The following RALGAPA2 variants were observed in gnomAD, a reference collection of about 807,000 sequenced individuals.
The protein encoded by RALGAPA2 is ral GTPase-activating protein subunit alpha-2.
A neutral mutation model predicts 230.4 loss-of-function variants in RALGAPA2; 139 were observed. The ratio of observed to expected loss-of-function variants is 0.60; its 90% CI spans 0.53 to 0.69. The LOEUF (loss-of-function observed/expected upper bound fraction) is 0.69. Among genes scored for constraint, RALGAPA2 ranks in the 30% least tolerant of loss-of-function variants. The probability of loss-of-function intolerance (pLI) is 0.00; values close to 1 mark genes in which losing one functional copy is unlikely to be tolerated. For synonymous variants in RALGAPA2, 847 were observed against 837.8 expected (o/e 1.01, Z -0.19); for missense variants, 2,163 against 2,276.0 (o/e 0.95, Z 1.01).
chr20:20,684,546 A>G (rs903580621), intron 1 of RALGAPA2, among the ~76,000 whole-genome samples: 3 of 152,154 alleles, frequency 2.0e-5, no homozygotes, highest in Non-Finnish European at 4.4e-5. Flanking sequence ...GGTGGTGTTG[A>G]GCTTAAGTAC....
chr20:20,454,250 A>G (rs1206747394), intron 37 of RALGAPA2, among the ~76,000 whole-genome samples: 1 of 152,232 alleles, frequency 6.6e-6, no homozygotes, highest in Admixed American at 6.5e-5. Flanking sequence ...AGCTCGAAAC[A>G]AAGATTACAT....
chr20:20,629,012 G>C (rs368398769), intron 10 of RALGAPA2, among the ~76,000 whole-genome samples: 12 of 152,246 alleles, frequency 7.9e-5, no homozygotes, highest in African/African-American at 2.6e-4. Context: ...ACTCTTCTTT[G>C]CTATGTTCAT....
intron 20 of RALGAPA2, among the ~76,000 whole-genome samples, chr20:20,575,740 C>G (rs1568599943): frequency 6.6e-6 from 1 of 152,146 alleles, no homozygotes. Context: ...TTCTTGGCTT[C>G]CCCTATTACT....
intron 37 of RALGAPA2, among the ~76,000 whole-genome samples, chr20:20,468,260 G>T (rs2061463349): frequency 6.6e-6 from 1 of 152,190 alleles, no homozygotes. Context: ...ATATCAAGTA[G>T]TAGAAATCCC....
intron 26 of RALGAPA2, 138 bp downstream of exon 26, chr20:20,535,607 G>T: frequency 7.9e-7 from 1 of 1,258,536 alleles, no homozygotes; most frequent in Non-Finnish European, 1.0e-6. Flanking sequence ...CATCTTCCTG[G>T]CATCATTCTT....
At position 20,712,187 on chromosome 20, in the gene RALGAPA2, G is replaced by A. The variant is rs905720074; in HGVS notation, c.106+188C>T. On this transcript the variant is annotated intron_variant, in intron 1 of 39. Coordinates refer to ENST00000202677, the MANE Select transcript of RALGAPA2 (RefSeq NM_020343.4). This position sits in a 1 kb window ranked among gnomAD's most constrained non-coding sequence, Gnocchi z 5.5. ...CTCGAGGGCGACGGGAGCAGTGCCC[G>A]AGGGCCAGGCTGCGGCTTTCTGGAA... 2.6e-5 allele frequency among the ~76,000 whole-genome samples: 4 copies of A among 152,102 alleles called. No homozygotes were observed. The highest frequency in any genetic ancestry group is 5.9e-5 in the Non-Finnish European group (4 of 68,020).
intron 1 of RALGAPA2, among the ~76,000 whole-genome samples, chr20:20,691,103 C>T (rs6082104): frequency 0.065 from 9,864 of 152,174 alleles, 428 homozygotes; most frequent in East Asian, 0.16. Context: ...ATCTTCCCAC[C>T]TGCAAGCCTC....
rs1555833889 is a variant in RALGAPA2 at position 20,712,600 on chromosome 20, T to TGCTGCTGCCGCC, written c.-121_-120insGGCGGCAGCAGC. 2.6e-6 allele frequency: 3 copies of TGCTGCTGCCGCC among 1,161,700 alleles called. No individual in the cohort carries two copies. The African/African-American group carries it at 5.0e-5, about 19-fold the overall frequency. 72.0% of individuals were successfully genotyped at this position (1,161,700 alleles called of 1,614,324 possible). ...GGCCACTCGCCGCCCCCAGCCCCGCTGCTGCCGCCGCCGCCGCCGCCGCCG... is the reference window on the plus strand; with the variant it reads ...GGCCACTCGCCGCCCCCAGCCCCGCTGCTGCTGCCGCCGCTGCCGCCGCCGCCGCCGCCGCCG... On this transcript the variant is annotated 5_prime_UTR_variant, in exon 1 of 40. Coordinates refer to ENST00000202677, the MANE Select transcript of RALGAPA2 (RefSeq NM_020343.4). This position sits in a 1 kb window ranked among gnomAD's most constrained non-coding sequence, Gnocchi z 5.5.
intron 37 of RALGAPA2, among the ~76,000 whole-genome samples, chr20:20,432,746 A>G (rs2060526628): frequency 6.6e-6 from 1 of 152,226 alleles, no homozygotes; most frequent in South Asian, 2.1e-4. Flanking sequence ...AAAAAAATGA[A>G]TTCTAATCTC....
At chr20:20,665,452 G>A (rs1362739916) in intron 3 of RALGAPA2, among the ~76,000 whole-genome samples, 1 of 152,194 alleles carries the variant, frequency 6.6e-6, no homozygotes, top group African/African-American at 2.4e-5. Flanking sequence ...TATCTCCAGT[G>A]TCCCTTCCTC....
chr20:20,528,819 C>T (rs2063293856), intron 27 of RALGAPA2, among the ~76,000 whole-genome samples: 1 of 152,150 alleles, frequency 6.6e-6, no homozygotes, highest in South Asian at 2.1e-4. Flanking sequence ...AAGCAGGAAG[C>T]CCTGCCAGAG....
chr20:20,442,269 T>C (rs1388043376), intron 37 of RALGAPA2, among the ~76,000 whole-genome samples: 3 of 152,238 alleles, frequency 2.0e-5, no homozygotes, highest in East Asian at 1.9e-4. Context: ...ATCGTACACA[T>C]TGTAAGAGCT....
At chr20:20,624,479 A>T (rs1043491041) in intron 10 of RALGAPA2, among the ~76,000 whole-genome samples, 14 of 152,204 alleles carry the variant, frequency 9.2e-5, no homozygotes, top group Non-Finnish European at 1.6e-4. Flanking sequence ...AGAACTATGG[A>T]ACAGGATGAA....
rs773447292 is a variant in RALGAPA2 at position 20,393,296 on chromosome 20, C to T, written c.*36-43G>A. On this transcript the variant is annotated intron_variant, in intron 39 of 39. Coordinates refer to ENST00000202677, the MANE Select transcript of RALGAPA2 (RefSeq NM_020343.4). ...AACTGCTAAGTCATGGAGGCAACGG[C>T]GGCTCTACGGCCACACATTTCAGGG... The T allele has an allele frequency of 1.5e-5, 19 of 1,235,096 alleles. No homozygotes were observed. The South Asian group carries it at 1.6e-4, about 10-fold the overall frequency. 76.5% of individuals were successfully genotyped at this position (1,235,096 alleles called of 1,614,324 possible).
intron 13 of RALGAPA2, among the ~76,000 whole-genome samples, chr20:20,615,404 C>T (rs1453086604): frequency 1.3e-5 from 2 of 151,974 alleles, no homozygotes; most frequent in African/African-American, 4.8e-5. Flanking sequence ...TCAGATGATC[C>T]ACCCACCTCG....
chr20:20,516,815 C>T (rs936334882), intron 31 of RALGAPA2, among the ~76,000 whole-genome samples: 7 of 152,206 alleles, frequency 4.6e-5, no homozygotes, highest in Non-Finnish European at 8.8e-5. Context: ...CTATCAAGAA[C>T]TCCTATTCCT....
chr20:20,653,648 G>T, intron 3 of RALGAPA2, 61 bp from the exon 4 acceptor site: 1 of 996,916 alleles, frequency 1.0e-6, no homozygotes, highest in Non-Finnish European at 1.5e-6. Context: ...TTCATGACAG[G>T]CCCATATTAC....
chr20:20,688,318 A>C (rs1027030984), intron 1 of RALGAPA2, among the ~76,000 whole-genome samples: 2 of 152,150 alleles, frequency 1.3e-5, no homozygotes, highest in African/African-American at 2.4e-5. Context: ...AAAAAAGAAA[A>C]AAAAAAAGTA....
intron 37 of RALGAPA2, among the ~76,000 whole-genome samples, chr20:20,432,213 C>T (rs949827056): frequency 2.6e-5 from 4 of 152,152 alleles, no homozygotes; most frequent in Admixed American, 1.3e-4. Flanking sequence ...GAATAAAACA[C>T]GTAGGTACAT....
Sources: gnomAD v4.1 joint callset for allele counts (sites outside exome capture counted in the v4.1 genomes callset) on GRCh38, gnomAD v4.1.1 for gene constraint, Gnocchi (gnomAD v3.1) non-coding constraint, MANE v1.5 for transcripts, NCBI Gene and HGNC (gene_info 2026-07-23, HGNC 2026-07-21) for gene names.